Variants in OSBPL6 observed in about 807,000 individuals in gnomAD.
The protein encoded by OSBPL6 is oxysterol-binding protein-related protein 6.
Under a neutral mutation model 125.8 loss-of-function variants are expected in OSBPL6, and 49 were observed. The ratio of observed to expected loss-of-function variants is 0.39; its 90% CI spans 0.31 to 0.49. The LOEUF (loss-of-function observed/expected upper bound fraction) is 0.49, where lower values mean the gene tolerates loss of function less well. Among genes scored for constraint, OSBPL6 ranks in the 20% least tolerant of loss-of-function variants. The pLI, the probability that OSBPL6 is intolerant of heterozygous loss-of-function variation, is 0.88. For missense variants in OSBPL6, 986 were observed against 1,135.4 expected (o/e 0.87, Z 1.89); for synonymous variants, 394 against 391.8 (o/e 1.01, Z -0.07).
chr2:178,398,353 T>C lies in OSBPL6; in HGVS notation c.*2794T>C, dbSNP rs1004969851. 1 of 152,202 alleles carries C rather than the reference T, an allele frequency of 6.6e-6. No individual in the cohort carries two copies. The highest frequency in any genetic ancestry group is 2.1e-4 in the South Asian group (1 of 4,824). 9.4% of individuals were successfully genotyped at this position (152,202 alleles called of 1,614,324 possible). On this transcript the variant is annotated 3_prime_UTR_variant, in exon 25 of 25. Transcript: ENST00000190611. ...GTATACTTCTCCCATGGTTTATTCA[T>C]AAGCTGCTTCATCTCATTGGAGATG...
intron 1 of OSBPL6, among the ~76,000 whole-genome samples, chr2:178,195,370 G>C (rs531018170): frequency 6.6e-6 from 1 of 152,220 alleles, no homozygotes; most frequent in African/African-American, 2.4e-5. Context: ...CAGTCAAGAC[G>C]TGCTTCCCCT....
At chr2:178,276,867 A>G (rs1322833716) in intron 1 of OSBPL6, among the ~76,000 whole-genome samples, 1 of 152,034 alleles carries the variant, frequency 6.6e-6, no homozygotes, top group Non-Finnish European at 1.5e-5. Flanking sequence ...AGCAAGAACA[A>G]TGAAACCATA....
rs879492875 is a variant in OSBPL6, at chr2:178,343,393, G to GA, written c.987+3639dup. ...CAGAGTGAGACCCTATCTCAAAAAA[G>GA]AAAAAAAAAAGTATTGCTCACAACC... On this transcript the variant is annotated intron_variant, in intron 11 of 24. Coordinates refer to ENST00000190611, the MANE Select transcript of OSBPL6 (RefSeq NM_032523.4). 5.3e-4 allele frequency among the ~76,000 whole-genome samples: 78 copies of GA among 146,288 alleles called. No individual in the cohort carries two copies. The Middle Eastern group carries it at 0.011, about 20-fold the overall frequency.
chr2:178,392,261 C>A, intron 22 of OSBPL6, 151 bp from the exon 23 acceptor site: 2 of 859,878 alleles, frequency 2.3e-6, no homozygotes, highest in Non-Finnish European at 3.5e-6. Flanking sequence ...CTAGGAATAC[C>A]ACCAATTTAA....
chr2:178,392,673 T>C, intron 23 of OSBPL6, 135 bp downstream of exon 23: 3 of 1,155,508 alleles, frequency 2.6e-6, no homozygotes, highest in South Asian at 1.7e-5. Context: ...CTGGACAATA[T>C]AGTGAGACTC....
intron 23 of OSBPL6, 117 bp from the exon 24 acceptor site, chr2:178,394,196 C>A: frequency 1.5e-6 from 2 of 1,315,256 alleles, no homozygotes; most frequent in Non-Finnish European, 2.1e-6. Flanking sequence ...AGACTCCGTC[C>A]GTTACTGTGC....
chr2:178,344,617 G>A (rs1690532248), intron 11 of OSBPL6, among the ~76,000 whole-genome samples: 1 of 151,986 alleles, frequency 6.6e-6, no homozygotes, highest in Admixed American at 6.6e-5. Context: ...AGTCAAATTT[G>A]CAAAATTGAG....
chr2:178,375,769 T>C (rs1693822507), intron 15 of OSBPL6, among the ~76,000 whole-genome samples: 1 of 152,160 alleles, frequency 6.6e-6, no homozygotes, highest in Non-Finnish European at 1.5e-5. Context: ...GACCGTGCAT[T>C]ATGTGAGTTC....
chr2:178,196,910 A>G (rs60829693), intron 1 of OSBPL6, among the ~76,000 whole-genome samples: 12,666 of 152,114 alleles, frequency 0.083, 617 homozygotes, highest in African/African-American at 0.13. Flanking sequence ...TCCTCACTCA[A>G]TATTATATCT....
intron 1 of OSBPL6, among the ~76,000 whole-genome samples, chr2:178,282,299 G>T (rs1374619857): frequency 6.6e-6 from 1 of 152,230 alleles, no homozygotes; most frequent in African/African-American, 2.4e-5. Context: ...ATGGGAGAGG[G>T]CGGAGGAATT....
At chr2:178,249,685 T>C (rs1163710361) in intron 1 of OSBPL6, among the ~76,000 whole-genome samples, 1 of 152,198 alleles carries the variant, frequency 6.6e-6, no homozygotes, top group Non-Finnish European at 1.5e-5. Flanking sequence ...GTATTTCTCC[T>C]TTAAGGCTCA....
chr2:178,368,033 A>G (rs1693016543), intron 13 of OSBPL6, among the ~76,000 whole-genome samples: 1 of 151,826 alleles, frequency 6.6e-6, no homozygotes. Context: ...GCCCTACTTT[A>G]TTTCTGCCAT....
At chr2:178,385,280 A>G (rs1381298209) in intron 18 of OSBPL6, among the ~76,000 whole-genome samples, 178 bp from the exon 19 acceptor site, 4 of 152,172 alleles carry the variant, frequency 2.6e-5, no homozygotes, top group Non-Finnish European at 5.9e-5. Context: ...AGGAAGGACG[A>G]ATTCACTTCA....
intron 7 of OSBPL6, 38 bp downstream of exon 7, chr2:178,332,792 G>A: frequency 6.2e-7 from 1 of 1,610,554 alleles, no homozygotes; most frequent in Non-Finnish European, 8.5e-7. Flanking sequence ...GCCATTATCA[G>A]GGGAAACGAT....
At chr2:178,277,814 A>G (rs1460658396) in intron 1 of OSBPL6, among the ~76,000 whole-genome samples, 2 of 151,982 alleles carry the variant, frequency 1.3e-5, no homozygotes, top group Non-Finnish European at 2.9e-5. Flanking sequence ...TCATCCTCCC[A>G]TCTGATCTCT....
In OSBPL6 at chr2:178,382,463, T is replaced by C. The variant is rs1317427317; in HGVS notation, c.1577T>C (p.Ile526Thr). 2 of 1,614,046 alleles carry C rather than the reference T, an allele frequency of 1.2e-6. No homozygotes were observed. The highest frequency in any genetic ancestry group is 2.2e-5 in the South Asian group (2 of 91,050). The change falls in exon 16 of 25, where the codon ATA (isoleucine) becomes ACA (threonine). Residue 526 changes from isoleucine to threonine, a missense_variant. Physicochemically the swap from Ile to Thr is moderately conservative, Grantham distance 89 (BLOSUM62 -1). Around this residue, in one of 3 missense-constraint regions of OSBPL6, gnomAD observed 843 missense variants for 997.3 expected, o/e 0.85. Transcript: ENST00000190611. Reference protein sequence around the residue: ...ESYISDVSDNISEDNTSVADN... With the variant: ...ESYISDVSDNTSEDNTSVADN... ...TACATCAGTGATGTGAGTGATAATA[T>C]ATCTGAAGACAACACCAGTGTTGCA...
At chr2:178,298,706 GTTT>G (rs760113201) in intron 2 of OSBPL6, among the ~76,000 whole-genome samples, 1 of 134,628 alleles carries the variant, frequency 7.4e-6, no homozygotes. Context: ...TTTTTTTTTT[GTTT>G]TTTTTTTTTT....
At chr2:178,375,101 A>G (rs150219091) in intron 15 of OSBPL6, among the ~76,000 whole-genome samples, 17 of 152,280 alleles carry the variant, frequency 1.1e-4, no homozygotes, top group African/African-American at 3.8e-4. Context: ...GGACAGAATA[A>G]TCATCCTTGC....
chr2:178,319,792 G>A (rs930229932), intron 3 of OSBPL6, among the ~76,000 whole-genome samples: 1 of 152,184 alleles, frequency 6.6e-6, no homozygotes, highest in Admixed American at 6.5e-5. Context: ...AGATACATGC[G>A]AGATAGCTGA....
Sources: allele counts gnomAD v4.1 joint callset (sites outside exome capture counted in the v4.1 genomes callset), GRCh38; gene constraint gnomAD v4.1.1; regional missense constraint gnomAD v4.1.1; transcripts MANE v1.5; gene names NCBI Gene and HGNC (gene_info 2026-07-23, HGNC 2026-07-21).